Variants in UBE2R2 observed in about 807,000 individuals in gnomAD.
UBE2R2 encodes ubiquitin-conjugating enzyme E2 R2.
A neutral mutation model predicts 27.8 loss-of-function variants in UBE2R2; 1 was observed. The observed-to-expected ratio is 0.04, with a 90% CI of 0.01 to 0.17. The LOEUF is 0.17. UBE2R2 is among the 10% of genes least tolerant of loss of function. The pLI, the probability that UBE2R2 is intolerant of heterozygous loss-of-function variation, is 1.00. For synonymous variants in UBE2R2, 106 were observed against 113.3 expected, an observed-to-expected ratio of 0.94 and a Z score of 0.41; for missense variants, 100 against 291.0, an observed-to-expected ratio of 0.34 and a Z score of 4.78.
intron 4 of UBE2R2, among the ~76,000 whole-genome samples, chr9:33,913,884 C>T (rs1822564562): frequency 6.6e-6 from 1 of 152,108 alleles, no homozygotes; most frequent in South Asian, 2.1e-4. Context: ...ATATATCTCA[C>T]CTAGGTGACT....
At chr9:33,847,692 GTGTTC>G (rs1399844419) in intron 1 of UBE2R2, among the ~76,000 whole-genome samples, 5 of 150,230 alleles carry the variant, frequency 3.3e-5, no homozygotes, top group African/African-American at 7.3e-5. Flanking sequence ...CTCCAACACT[GTGTTC>G]TGTCCTTTTT....
At chr9:33,820,837 C>T (rs943009892) in intron 1 of UBE2R2, among the ~76,000 whole-genome samples, 3 of 152,182 alleles carry the variant, frequency 2.0e-5, no homozygotes, top group Admixed American at 6.5e-5. Flanking sequence ...ATAGTTGGCT[C>T]TTGTCTCTTA....
At chr9:33,837,321 C>G (rs570907864) in intron 1 of UBE2R2, among the ~76,000 whole-genome samples, 10 of 150,916 alleles carry the variant, frequency 6.6e-5, no homozygotes, top group African/African-American at 2.2e-4. Context: ...TGGGCTCAAG[C>G]GATATTCTTA....
chr9:33,911,431 A>C (rs944324408), intron 3 of UBE2R2, among the ~76,000 whole-genome samples: 1 of 140,504 alleles, frequency 7.1e-6, no homozygotes, highest in African/African-American at 2.7e-5. Flanking sequence ...AAAAAAAAAA[A>C]AAAACCTGGT....
chr9:33,905,023 G>A (rs1822321983), intron 3 of UBE2R2, among the ~76,000 whole-genome samples: 1 of 152,090 alleles, frequency 6.6e-6, no homozygotes, highest in South Asian at 2.1e-4. Flanking sequence ...GGGTGGGAGT[G>A]GGAGTAGCAA....
rs201711393 is a variant in UBE2R2, at chr9:33,901,916, T to C, written c.362+1645T>C. Among the ~76,000 whole-genome samples the C allele has an allele frequency of 2.4e-4, 36 of 150,538 alleles. No individual in the cohort carries two copies. In the East Asian group the frequency reaches 4.8e-3, roughly 20 times the overall value. On this transcript the variant is annotated intron_variant, in intron 3 of 4. Transcript: ENST00000263228. ...GAATGTTTTTTTCTCATATTTCTTT[T>C]TTTTTTTTTTTTTTTAAGACAGGAT...
chr9:33,883,146 G>T (rs1456396532), intron 1 of UBE2R2, among the ~76,000 whole-genome samples: 2 of 152,138 alleles, frequency 1.3e-5, no homozygotes, highest in Non-Finnish European at 2.9e-5. Flanking sequence ...TTTGTTCCTT[G>T]TGTTTTTGGT....
intron 4 of UBE2R2, among the ~76,000 whole-genome samples, chr9:33,914,762 G>A (rs1822597960): frequency 6.6e-6 from 1 of 151,692 alleles, no homozygotes; most frequent in Non-Finnish European, 1.5e-5. Flanking sequence ...CCGGGAGGCA[G>A]AGGTTGCAGT....
At chr9:33,879,358 A>G (rs947556955) in intron 1 of UBE2R2, among the ~76,000 whole-genome samples, 15 of 152,326 alleles carry the variant, frequency 9.8e-5, no homozygotes, top group Admixed American at 6.5e-4. Context: ...CTTTACTGCT[A>G]TCTGTGCTAC....
chr9:33,903,203 T>C (rs944606505), intron 3 of UBE2R2, among the ~76,000 whole-genome samples: 3 of 152,242 alleles, frequency 2.0e-5, no homozygotes, highest in Non-Finnish European at 4.4e-5. Context: ...TTTGACATTA[T>C]AATTAGACAA....
At chr9:33,886,099 A>G (rs774397748) in intron 1 of UBE2R2, among the ~76,000 whole-genome samples, 4 of 152,214 alleles carry the variant, frequency 2.6e-5, no homozygotes, top group African/African-American at 4.8e-5. Flanking sequence ...TACAAAATAC[A>G]GTATGTTGAA....
chr9:33,833,401 T>C (rs748820303), intron 1 of UBE2R2, among the ~76,000 whole-genome samples: 5 of 152,144 alleles, frequency 3.3e-5, no homozygotes, highest in Non-Finnish European at 7.4e-5. Flanking sequence ...GGTTTCACCA[T>C]GTTGGCCAGG....
intron 1 of UBE2R2, among the ~76,000 whole-genome samples, chr9:33,859,642 G>A (rs1821178787): frequency 6.6e-6 from 1 of 152,056 alleles, no homozygotes; most frequent in African/African-American, 2.4e-5. Flanking sequence ...GGAGCCTTGA[G>A]ACTTTAAATT....
chr9:33,891,343 T>C (rs866776261), intron 2 of UBE2R2, among the ~76,000 whole-genome samples: 1 of 151,226 alleles, frequency 6.6e-6, no homozygotes, highest in Non-Finnish European at 1.5e-5. Flanking sequence ...CCAGCTCTTA[T>C]GTTTTTAAAA....
chr9:33,909,892 CAG>C (rs1432056325), intron 3 of UBE2R2, among the ~76,000 whole-genome samples: 1 of 152,160 alleles, frequency 6.6e-6, no homozygotes, highest in Non-Finnish European at 1.5e-5. Context: ...AATCATGTAA[CAG>C]AAATTCTTCG....
At chr9:33,895,768 C>CTTTTT (rs776870484) in intron 2 of UBE2R2, among the ~76,000 whole-genome samples, 73 of 90,278 alleles carry the variant, frequency 8.1e-4, no homozygotes, top group East Asian at 1.1e-3. Context: ...CTCTCTCTCT[C>CTTTTT]TTTTTTTTTT....
chr9:33,886,653 TAAAAAAAAA>T (rs11404304), intron 1 of UBE2R2, among the ~76,000 whole-genome samples: 1 of 118,718 alleles, frequency 8.4e-6, no homozygotes, highest in Non-Finnish European at 1.7e-5. Context: ...GACTCCGTCT[TAAAAAAAAA>T]AAAAAAAAAA....
intron 1 of UBE2R2, among the ~76,000 whole-genome samples, chr9:33,823,363 A>T (rs1374818971): frequency 6.6e-6 from 1 of 151,490 alleles, no homozygotes; most frequent in African/African-American, 2.4e-5. Flanking sequence ...TAATTGGTAA[A>T]ATATAGTTGA....
intron 3 of UBE2R2, among the ~76,000 whole-genome samples, chr9:33,909,145 C>T (rs949164848): frequency 2.1e-4 from 32 of 152,132 alleles, no homozygotes; most frequent in Admixed American, 4.6e-4. Flanking sequence ...TCATCATCGT[C>T]GTCGTCATTG....
Sources: gnomAD v4.1 joint callset for allele counts (sites outside exome capture counted in the v4.1 genomes callset) on GRCh38, gnomAD v4.1.1 for gene constraint, MANE v1.5 for transcripts, NCBI Gene and HGNC (gene_info 2026-07-23, HGNC 2026-07-21) for gene names.